The following ABHD17C variants were observed in gnomAD, a reference collection of about 807,000 sequenced individuals.
ABHD17C encodes abhydrolase domain containing 17C, depalmitoylase, also known as alpha/beta hydrolase domain-containing protein 17C.
A neutral mutation model predicts 27.9 loss-of-function variants in ABHD17C; 11 were observed. That is an observed-to-expected ratio of 0.39 (90% CI 0.25 to 0.65). ABHD17C has a LOEUF of 0.65. Among genes scored for constraint, ABHD17C ranks in the 30% least tolerant of loss-of-function variants. The pLI is 0.45. For missense variants in ABHD17C, 280 were observed against 470.2 expected (o/e 0.60, Z 3.74); for synonymous variants, 233 against 209.1 (o/e 1.11, Z -0.98).
intron 1 of ABHD17C, among the ~76,000 whole-genome samples, chr15:80,714,020 C>A (rs1894769490): frequency 6.6e-6 from 1 of 152,078 alleles, no homozygotes; most frequent in Non-Finnish European, 1.5e-5. Flanking sequence ...GTGGCGCAAT[C>A]ATGGCTCATC....
intron 1 of ABHD17C, among the ~76,000 whole-genome samples, chr15:80,740,178 T>G (rs1193037636): frequency 1.3e-5 from 2 of 152,102 alleles, no homozygotes; most frequent in Non-Finnish European, 2.9e-5. Context: ...ATTACTTACT[T>G]TTCTGTGACT....
intron 1 of ABHD17C, among the ~76,000 whole-genome samples, chr15:80,723,770 C>A (rs1024734710): frequency 1.3e-5 from 2 of 152,142 alleles, no homozygotes; most frequent in African/African-American, 2.4e-5. Flanking sequence ...TGCTGCTTTG[C>A]GTGGCCGATG....
intron 1 of ABHD17C, among the ~76,000 whole-genome samples, chr15:80,727,860 A>C (rs1895002509): frequency 6.6e-6 from 1 of 152,216 alleles, no homozygotes; most frequent in Non-Finnish European, 1.5e-5. Flanking sequence ...AGGGATTGTC[A>C]GGCCTCTGCA....
intron 1 of ABHD17C, among the ~76,000 whole-genome samples, chr15:80,698,380 A>G (rs966457981): frequency 6.6e-6 from 1 of 152,130 alleles, no homozygotes; most frequent in Non-Finnish European, 1.5e-5. Context: ...ACTTTTATAA[A>G]AAAGAAAAAA....
chr15:80,696,697 T>C (rs1379827188), intron 1 of ABHD17C, among the ~76,000 whole-genome samples: 1 of 152,164 alleles, frequency 6.6e-6, no homozygotes, highest in African/African-American at 2.4e-5. Context: ...CTGGGAAATC[T>C]CTGACCTTAA....
rs1007937077 is a variant in ABHD17C at position 80,696,669 on chromosome 15, G to T, written c.590+650G>T. 7.9e-5 allele frequency among the ~76,000 whole-genome samples: 12 copies of T among 152,194 alleles called. 1 individual carries two copies. The highest frequency in any genetic ancestry group is 2.7e-4 in the African/African-American group (11 of 41,436). ...CGGCCTCCATAACAGTCCAGGATAA[G>T]TTTGAAACTTGCAGGGGCTGGGAAA... On this transcript the variant is annotated intron_variant, in intron 1 of 2. Transcript: ENST00000258884.
At position 80,709,872 on chromosome 15, in the gene ABHD17C, T is replaced by C. The variant is rs577259746; in HGVS notation, c.590+13853T>C. ...TGGATCTGCCTGTTTAACAAACATA[T>C]TAAGTGTCCACTGTGGGCCAGGCTT... On this transcript the variant is annotated intron_variant, in intron 1 of 2. Transcript: ENST00000258884. Among the ~76,000 whole-genome samples, 9 of 152,292 alleles carry C rather than the reference T, an allele frequency of 5.9e-5. No homozygotes were observed. The South Asian group carries it at 1.9e-3, about 32-fold the overall frequency.
intron 1 of ABHD17C, among the ~76,000 whole-genome samples, chr15:80,721,203 C>T (rs1183605081): frequency 8.0e-6 from 1 of 124,564 alleles, no homozygotes; most frequent in Non-Finnish European, 1.6e-5. Context: ...GTTTACCCAT[C>T]ATTTTTTGTC....
intron 1 of ABHD17C, among the ~76,000 whole-genome samples, chr15:80,696,985 C>T (rs1433044506): frequency 6.6e-6 from 1 of 152,168 alleles, no homozygotes; most frequent in Non-Finnish European, 1.5e-5. Context: ...TTGATTTCTT[C>T]AGATGAAAGA....
At chr15:80,737,197 G>A (rs1895143189) in intron 1 of ABHD17C, among the ~76,000 whole-genome samples, 1 of 152,202 alleles carries the variant, frequency 6.6e-6, no homozygotes, top group Non-Finnish European at 1.5e-5. Context: ...AAAGAGTAAT[G>A]ATTCAGGGCT....
chr15:80,722,547 C>CT (rs200300358), intron 1 of ABHD17C, among the ~76,000 whole-genome samples: 4,259 of 145,660 alleles, frequency 0.029, 173 homozygotes, highest in Admixed American at 0.11. Context: ...CTTGCCCACC[C>CT]TTTTTTTTTT....
At chr15:80,720,528 G>T (rs149230599) in intron 1 of ABHD17C, among the ~76,000 whole-genome samples, 1 of 151,984 alleles carries the variant, frequency 6.6e-6, no homozygotes, top group African/African-American at 2.4e-5. Context: ...CTTGAAGCTG[G>T]CCTGTTTTTT....
At position 80,696,030 on chromosome 15, in the gene ABHD17C, C is replaced by T; in HGVS notation, c.590+11C>T. 10 of 1,544,334 alleles carry T rather than the reference C, an allele frequency of 6.5e-6. No homozygotes were observed. Among genetic ancestry groups the T allele is most frequent in the Non-Finnish European group, 8.7e-6 (10 of 1,149,978 alleles). ...GGCGCTGCGCACCCGGTGAGCCTGC[C>T]GGGGTCGCCAGGCCTGACTTCCAGC... On this transcript the variant is annotated intron_variant, in intron 1 of 2. Coordinates refer to ENST00000258884, the MANE Select transcript of ABHD17C (RefSeq NM_021214.2).
chr15:80,710,855 GC>G (rs1191245822), intron 1 of ABHD17C, among the ~76,000 whole-genome samples: 1 of 152,138 alleles, frequency 6.6e-6, no homozygotes, highest in East Asian at 1.9e-4. Flanking sequence ...GGGATTACAG[GC>G]ATGAGCCACC....
chr15:80,713,724 G>C (rs1342572391), intron 1 of ABHD17C, among the ~76,000 whole-genome samples: 1 of 151,948 alleles, frequency 6.6e-6, no homozygotes, highest in African/African-American at 2.4e-5. Context: ...CACGAGAATG[G>C]CTTGAACCTG....
At chr15:80,751,494 C>T (rs1895366125) in intron 2 of ABHD17C, among the ~76,000 whole-genome samples, 1 of 152,200 alleles carries the variant, frequency 6.6e-6, no homozygotes, top group East Asian at 1.9e-4. Context: ...GTAATGCCAG[C>T]ACTTTTTGAG....
chr15:80,744,526 GA>G (rs1398329161), intron 1 of ABHD17C, among the ~76,000 whole-genome samples: 2 of 152,148 alleles, frequency 1.3e-5, no homozygotes, highest in Non-Finnish European at 2.9e-5. Context: ...GTAAAGACAG[GA>G]AAAAGCAATG....
chr15:80,699,344 C>T (rs887442847), intron 1 of ABHD17C, among the ~76,000 whole-genome samples: 1 of 151,992 alleles, frequency 6.6e-6, no homozygotes, highest in African/African-American at 2.4e-5. Flanking sequence ...GTTAATTTTT[C>T]CTAAGTTGGA....
At chr15:80,727,018 G>T (rs1894990221) in intron 1 of ABHD17C, among the ~76,000 whole-genome samples, 1 of 152,114 alleles carries the variant, frequency 6.6e-6, no homozygotes, top group African/African-American at 2.4e-5. Flanking sequence ...TCTGTCAGAG[G>T]TCATATATAG....
Sources: allele counts gnomAD v4.1 joint callset (sites outside exome capture counted in the v4.1 genomes callset), GRCh38; gene constraint gnomAD v4.1.1; transcripts MANE v1.5; gene names NCBI Gene and HGNC (gene_info 2026-07-23, HGNC 2026-07-21).